Variants in TFDP2 observed in about 807,000 individuals in gnomAD.
The protein encoded by TFDP2 is transcription factor Dp-2.
Under a neutral mutation model 59.3 loss-of-function variants are expected in TFDP2, and 17 were observed. The ratio of observed to expected loss-of-function variants is 0.29; its 90% CI spans 0.20 to 0.43. The LOEUF (loss-of-function observed/expected upper bound fraction) is 0.43, where lower values mean the gene tolerates loss of function less well. Ranked by LOEUF, TFDP2 falls within the 20% of genes least tolerant of loss-of-function variation. The pLI, the probability that TFDP2 is intolerant of heterozygous loss-of-function variation, is 1.00. For missense variants in TFDP2, 391 were observed against 528.8 expected (o/e 0.74, Z 2.56); for synonymous variants, 180 against 194.7 (o/e 0.92, Z 0.63).
intron 3 of TFDP2, among the ~76,000 whole-genome samples, chr3:142,046,151 A>G (rs1947339017): frequency 6.6e-6 from 1 of 152,178 alleles, no homozygotes; most frequent in African/African-American, 2.4e-5. Flanking sequence ...TAAACTAAGG[A>G]AGATCTTCTG....
chr3:142,145,722 A>C (rs1032973428), intron 1 of TFDP2, among the ~76,000 whole-genome samples: 15 of 152,024 alleles, frequency 9.9e-5, no homozygotes, highest in African/African-American at 2.7e-4. Context: ...TAAATAAATA[A>C]ATAAATAAAT....
In TFDP2 at chr3:142,044,237, T is replaced by G. The variant is rs112999784; in HGVS notation, c.83-38693A>C. The G allele has an allele frequency of 5.4e-3, 1,251 of 233,036 alleles. 9 individuals are homozygous for G. The highest frequency in any genetic ancestry group is 6.5e-3 in the Non-Finnish European group (824 of 126,520). 14.4% of individuals were successfully genotyped at this position (233,036 alleles called of 1,614,324 possible). Reference sequence around the variant, plus strand: ...GCAGCAGCAAAAGGGTTTTTTTTTTTTTTTTTTTTTTTTTTGAGCCGGAGT... The same window carrying G: ...GCAGCAGCAAAAGGGTTTTTTTTTTGTTTTTTTTTTTTTTTGAGCCGGAGT... On this transcript the variant is annotated intron_variant, in intron 3 of 12. Coordinates refer to ENST00000489671, the MANE Select transcript of TFDP2 (RefSeq NM_001178139.2).
intron 3 of TFDP2, among the ~76,000 whole-genome samples, chr3:142,023,452 A>G (rs1331680159): frequency 3.9e-5 from 6 of 151,930 alleles, no homozygotes; most frequent in South Asian, 2.1e-4. Context: ...CGGCCTCCCA[A>G]TGTGCTGGGA....
In TFDP2 at chr3:141,992,200, G is replaced by A. The variant is rs554464654; in HGVS notation, c.356+1338C>T. On this transcript the variant is annotated intron_variant, in intron 6 of 12. Coordinates refer to ENST00000489671, the MANE Select transcript of TFDP2 (RefSeq NM_001178139.2). ...AAGAAAAATACATGTAGCAATCTTC[G>A]TGGTTTGACAGACGGGTGGTGGGGA... 4.6e-4 allele frequency among the ~76,000 whole-genome samples: 70 copies of A among 152,022 alleles called. 1 individual carries two copies. The South Asian group carries it at 0.012, about 26-fold the overall frequency.
At chr3:141,976,873 A>T (rs1464090185) in intron 7 of TFDP2, among the ~76,000 whole-genome samples, 1 of 151,964 alleles carries the variant, frequency 6.6e-6, no homozygotes, top group African/African-American at 2.4e-5. Flanking sequence ...TCCAAAAAAA[A>T]AAGGGAAATA....
chr3:141,950,676 G>A lies in TFDP2; in HGVS notation c.*1837C>T, dbSNP rs1935851020. On this transcript the variant is annotated 3_prime_UTR_variant, in exon 13 of 13. Transcript: ENST00000489671. ...CTGGGTCCCAGAGATGAGAAAGGGT[G>A]GAGTTAGTAAAAGAGGAGGCTGCCC... The A allele has an allele frequency of 6.6e-6, 1 of 152,648 alleles. No homozygotes were observed. The highest frequency in any genetic ancestry group is 2.4e-5 in the African/African-American group (1 of 41,440). The allele number at this position is 152,648 out of a possible 1,614,324, so 9.5% of individuals were successfully genotyped here. A position where few individuals can be genotyped will look rare whatever the true frequency, so the allele number is the denominator to read the frequency against.
intron 1 of TFDP2, among the ~76,000 whole-genome samples, chr3:142,141,541 T>C (rs2062964751): frequency 6.6e-6 from 1 of 152,146 alleles, no homozygotes; most frequent in African/African-American, 2.4e-5. Flanking sequence ...CAAAAGAACA[T>C]AGGCCAGGTG....
intron 3 of TFDP2, among the ~76,000 whole-genome samples, chr3:142,011,461 G>A (rs1255781295): frequency 9.6e-6 from 1 of 103,800 alleles, no homozygotes; most frequent in African/African-American, 3.6e-5. Flanking sequence ...GAGGGGGGAG[G>A]GATAGCATTG....
chr3:141,988,579 T>C (rs570351094), intron 6 of TFDP2, among the ~76,000 whole-genome samples: 1 of 152,248 alleles, frequency 6.6e-6, no homozygotes, highest in African/African-American at 2.4e-5. Flanking sequence ...GCAGCAACAC[T>C]AGACTGCTGC....
At chr3:142,016,737 A>G (rs1174304105) in intron 3 of TFDP2, among the ~76,000 whole-genome samples, 4 of 152,224 alleles carry the variant, frequency 2.6e-5, no homozygotes. Flanking sequence ...CAATTACATA[A>G]GTGGATTACA....
At position 141,980,544 on chromosome 3, in the gene TFDP2, T is replaced by G. The variant is rs1231622681; in HGVS notation, c.357-1862A>C. Among the ~76,000 whole-genome samples the G allele has an allele frequency of 5.9e-5, 9 of 152,248 alleles. 1 individual carries two copies. The highest frequency in any genetic ancestry group is 4.1e-4 in the South Asian group (2 of 4,826). ...GGACCCATTAATATGTTTGTGTTTT[T>G]TTTGTTTGTTTGTTTTGAGAAAGAG... On this transcript the variant is annotated intron_variant, in intron 6 of 12. Coordinates refer to ENST00000489671, the MANE Select transcript of TFDP2 (RefSeq NM_001178139.2).
chr3:142,074,744 C>T (rs1282737744), intron 3 of TFDP2, among the ~76,000 whole-genome samples: 2 of 152,006 alleles, frequency 1.3e-5, no homozygotes, highest in African/African-American at 2.4e-5. Flanking sequence ...CCCGGCTACT[C>T]GGGAGGCTGA....
Position 142,053,876 on chromosome 3 carries a change from G to A in TFDP2, c.82+39185C>T, listed in dbSNP as rs78213355. ...AAGAAAATATGCTGATGGCAAATAA[G>A]CACATGAAAAGATTCGTAATATCAT... On this transcript the variant is annotated intron_variant, in intron 3 of 12. Transcript: ENST00000489671. Among the ~76,000 whole-genome samples, 795 of 152,236 alleles carry A rather than the reference G, an allele frequency of 5.2e-3. 9 individuals are homozygous for A. Among genetic ancestry groups the A allele is most frequent in the African/African-American group, 0.018 (749 of 41,542 alleles).
At chr3:142,113,680 CAA>C (rs2061741898) in intron 1 of TFDP2, among the ~76,000 whole-genome samples, 1 of 152,046 alleles carries the variant, frequency 6.6e-6, no homozygotes, top group African/African-American at 2.4e-5. Context: ...CTGTGACCAA[CAA>C]AAGATTCCAA....
intron 1 of TFDP2, among the ~76,000 whole-genome samples, chr3:142,125,969 A>C (rs1385252806): frequency 6.6e-6 from 1 of 152,162 alleles, no homozygotes; most frequent in Non-Finnish European, 1.5e-5. Context: ...AATAACCTAA[A>C]GTAACAGACA....
intron 9 of TFDP2, among the ~76,000 whole-genome samples, chr3:141,965,861 C>A (rs1937965961): frequency 6.6e-6 from 1 of 151,846 alleles, no homozygotes; most frequent in Non-Finnish European, 1.5e-5. Context: ...TTGCTTAATT[C>A]CTTTAATAAT....
At chr3:142,079,580 T>C (rs1339315891) in intron 3 of TFDP2, among the ~76,000 whole-genome samples, 1 of 151,940 alleles carries the variant, frequency 6.6e-6, no homozygotes, top group Non-Finnish European at 1.5e-5. Flanking sequence ...AAAGACTACC[T>C]CAAGGGATTT....
chr3:142,106,042 C>T (rs1341118055), intron 1 of TFDP2, among the ~76,000 whole-genome samples: 1 of 151,884 alleles, frequency 6.6e-6, no homozygotes, highest in East Asian at 1.9e-4. Context: ...ACATAATTCC[C>T]ACATGGTAGA....
chr3:142,031,622 T>C (rs772950542), intron 3 of TFDP2, among the ~76,000 whole-genome samples: 1 of 152,212 alleles, frequency 6.6e-6, no homozygotes, highest in Non-Finnish European at 1.5e-5. Flanking sequence ...AATTTCTCCT[T>C]AATCTTATGT....
Sources: allele counts gnomAD v4.1 joint callset (sites outside exome capture counted in the v4.1 genomes callset), GRCh38; gene constraint gnomAD v4.1.1; transcripts MANE v1.5; gene names NCBI Gene and HGNC (gene_info 2026-07-23, HGNC 2026-07-21).